The following ALK variants were observed in gnomAD, a reference collection of about 807,000 sequenced individuals.
The protein encoded by ALK is ALK receptor tyrosine kinase.
A neutral mutation model predicts 163.1 loss-of-function variants in ALK; 74 were observed. The ratio of observed to expected loss-of-function variants is 0.45; its 90% CI spans 0.38 to 0.55. The LOEUF (loss-of-function observed/expected upper bound fraction) is 0.55, where lower values mean the gene tolerates loss of function less well. Ranked by LOEUF, ALK falls within the 20% of genes least tolerant of loss-of-function variation. The pLI is 0.00. For missense variants in ALK, 2,063 were observed against 2,105.3 expected (o/e 0.98, Z 0.39); for synonymous variants, 960 against 843.2 (o/e 1.14, Z -2.40).
chr2:29,728,175 C>T (rs771923760), intron 1 of ALK, among the ~76,000 whole-genome samples: 11 of 152,226 alleles, frequency 7.2e-5, no homozygotes, highest in East Asian at 1.9e-4. Flanking sequence ...CTATTACACA[C>T]GGTGCCCAGC....
intron 4 of ALK, among the ~76,000 whole-genome samples, chr2:29,497,345 C>T (rs1672055989): frequency 6.6e-6 from 1 of 152,150 alleles, no homozygotes; most frequent in Admixed American, 6.5e-5. Flanking sequence ...GAATGTTCTC[C>T]AGGTCTGCGT....
chr2:29,905,800 T>C (rs926231786), intron 1 of ALK, among the ~76,000 whole-genome samples: 1 of 151,952 alleles, frequency 6.6e-6, no homozygotes. Flanking sequence ...AAAGGCAGGA[T>C]GCGAGGAATG....
intron 1 of ALK, among the ~76,000 whole-genome samples, chr2:29,914,150 C>T (rs1226184000): frequency 2.0e-5 from 3 of 152,164 alleles, no homozygotes; most frequent in Non-Finnish European, 4.4e-5. Context: ...AAAAGGCTTA[C>T]GAGAGGACAT....
chr2:29,329,008 C>T (rs1667360008), intron 5 of ALK, among the ~76,000 whole-genome samples: 1 of 152,176 alleles, frequency 6.6e-6, no homozygotes, highest in Non-Finnish European at 1.5e-5. Flanking sequence ...CACCATCATG[C>T]AAGCCTGGGC....
intron 1 of ALK, among the ~76,000 whole-genome samples, chr2:29,862,836 C>T (rs1292453240): frequency 7.1e-6 from 1 of 141,322 alleles, no homozygotes; most frequent in African/African-American, 2.5e-5. Context: ...AAAAAAAAAA[C>T]TGGGGGCATC....
chr2:29,774,257 G>A lies in ALK; in HGVS notation c.668-56560C>T, dbSNP rs76516266. Among the ~76,000 whole-genome samples, 707 of 152,290 alleles carry A rather than the reference G, an allele frequency of 4.6e-3. 7 individuals are homozygous for A. Among genetic ancestry groups the A allele is most frequent in the African/African-American group, 0.016 (658 of 41,552 alleles). On this transcript the variant is annotated intron_variant, in intron 1 of 28. Transcript: ENST00000389048. The stretch of plus-strand genomic sequence containing the variant: ...TGACACATTTCTGACTGACAGGAAC[G>A]TTAATCTCTGAGGCAACTTAATTCC...
chr2:29,416,408 A>G (rs1256773796), intron 4 of ALK, among the ~76,000 whole-genome samples: 1 of 152,246 alleles, frequency 6.6e-6, no homozygotes, highest in African/African-American at 2.4e-5. Flanking sequence ...ATGATTTCAG[A>G]TATCATGAAG....
intron 1 of ALK, among the ~76,000 whole-genome samples, chr2:29,764,134 A>G (rs1421464692): frequency 6.6e-6 from 1 of 152,146 alleles, no homozygotes; most frequent in East Asian, 1.9e-4. Flanking sequence ...TTTGGGGTCA[A>G]TCCCCTCATG....
intron 8 of ALK, among the ~76,000 whole-genome samples, chr2:29,298,287 A>C (rs765279153): frequency 6.6e-6 from 1 of 152,182 alleles, no homozygotes; most frequent in Admixed American, 6.5e-5. Context: ...GCAAATATGC[A>C]TCTCTACTGA....
chr2:29,291,173 G>C (rs1666012233), intron 9 of ALK, among the ~76,000 whole-genome samples: 1 of 151,984 alleles, frequency 6.6e-6, no homozygotes, highest in African/African-American at 2.4e-5. Context: ...GATCAGCCTA[G>C]GCAACATAGC....
At chr2:29,488,279 T>A (rs559066133) in intron 4 of ALK, among the ~76,000 whole-genome samples, 1 of 152,352 alleles carries the variant, frequency 6.6e-6, no homozygotes, top group East Asian at 1.9e-4. Flanking sequence ...TCTGTCACCA[T>A]GTTCCACCAG....
At chr2:29,347,802 T>C (rs1034954873) in intron 5 of ALK, among the ~76,000 whole-genome samples, 1 of 152,176 alleles carries the variant, frequency 6.6e-6, no homozygotes, top group Non-Finnish European at 1.5e-5. Context: ...ACAGATAACC[T>C]TTGCAACTAT....
intron 3 of ALK, among the ~76,000 whole-genome samples, chr2:29,649,316 A>C (rs1558425281): frequency 6.6e-6 from 1 of 151,714 alleles, no homozygotes; most frequent in Non-Finnish European, 1.5e-5. Flanking sequence ...ATTGACTCTG[A>C]GACCCTCACC....
intron 1 of ALK, among the ~76,000 whole-genome samples, chr2:29,848,382 C>A (rs899709847): frequency 6.7e-6 from 1 of 150,144 alleles, no homozygotes; most frequent in East Asian, 2.0e-4. Flanking sequence ...AGTTTGAGAA[C>A]CACTGAGCTA....
At chr2:29,664,680 T>C (rs1442313650) in intron 3 of ALK, among the ~76,000 whole-genome samples, 43 of 152,160 alleles carry the variant, frequency 2.8e-4, no homozygotes, top group Non-Finnish European at 1.6e-4. Context: ...TCCATCCTCA[T>C]GCTGCAACCC....
At position 29,193,318 on chromosome 2, in the gene ALK, C is replaced by T. The variant is rs1457558507; in HGVS notation, c.4769G>A (p.Gly1590Asp). 1 of 1,614,170 alleles carries T rather than the reference C, an allele frequency of 6.2e-7. No homozygotes were observed. The highest frequency in any genetic ancestry group is 8.5e-7 in the Non-Finnish European group (1 of 1,180,016). Residue 1590 changes from glycine to aspartate, a missense_variant, in exon 29 of 29, where the codon GGC becomes GAC. By Grantham distance (94) the Gly-to-Asp change is moderately conservative. Around this residue, in one of 5 missense-constraint regions of ALK, gnomAD observed 403 missense variants for 366.2 expected, o/e 1.10. Coordinates refer to ENST00000389048, the MANE Select transcript of ALK (RefSeq NM_004304.5). ...GGCAGTAGCGGCTTCTAAGGGCAAG[C>T]CCTGTTGCTGGTAGCCGTAATTGAC... ...GNVNYGYQQQ[G>D]LPLEAATAPG...
chr2:29,740,691 A>G (rs928091332), intron 1 of ALK, among the ~76,000 whole-genome samples: 3 of 152,222 alleles, frequency 2.0e-5, no homozygotes, highest in African/African-American at 7.2e-5. Flanking sequence ...ATGAGATATC[A>G]TTCAGCGCTC....
At chr2:29,604,130 T>C (rs1032813343) in intron 3 of ALK, among the ~76,000 whole-genome samples, 3 of 152,036 alleles carry the variant, frequency 2.0e-5, no homozygotes, top group Non-Finnish European at 2.9e-5. Context: ...CCACTACCTA[T>C]TTTTGTATAA....
chr2:29,591,833 C>T lies in ALK; in HGVS notation c.953-59717G>A, dbSNP rs1211978951. On this transcript the variant is annotated intron_variant, in intron 3 of 28. Transcript: ENST00000389048. The stretch of plus-strand genomic sequence containing the variant: ...AGAAGCGCCCTCTAATTCTCGGTGT[C>T]GTCAGAGCTGAGACAGACCTTCTGG... 7.3e-5 allele frequency among the ~76,000 whole-genome samples: 11 copies of T among 151,054 alleles called. 1 individual carries two copies. Among genetic ancestry groups the T allele is most frequent in the Admixed American group, 3.9e-4 (6 of 15,196 alleles).
Sources: allele counts gnomAD v4.1 joint callset (sites outside exome capture counted in the v4.1 genomes callset), GRCh38; gene constraint gnomAD v4.1.1; regional missense constraint gnomAD v4.1.1; transcripts MANE v1.5; gene names NCBI Gene and HGNC (gene_info 2026-07-23, HGNC 2026-07-21).